The following SLC23A2 variants were observed in gnomAD, a reference collection of about 807,000 sequenced individuals.
SLC23A2 encodes solute carrier family 23 member 2, also known as Na(+)/L-ascorbic acid transporter 2.
A neutral mutation model predicts 73.3 loss-of-function variants in SLC23A2; 36 were observed. The observed-to-expected ratio is 0.49, with a 90% CI of 0.38 to 0.65. The LOEUF (loss-of-function observed/expected upper bound fraction) is 0.65. Among genes scored for constraint, SLC23A2 ranks in the 30% least tolerant of loss-of-function variants. The pLI is 0.00. For synonymous variants in SLC23A2, 343 were observed against 327.3 expected (o/e 1.05, Z -0.52); for missense variants, 507 against 841.6 (o/e 0.60, Z 4.92).
upstream of SLC23A2, among the ~76,000 whole-genome samples, chr20:5,003,282 G>A (rs2088152399): frequency 6.6e-6 from 1 of 152,110 alleles, no homozygotes; most frequent in Non-Finnish European, 1.5e-5. Context: ...TACTCGGGAG[G>A]CTGAGGCAGG....
In SLC23A2 at chr20:4,862,904, C is replaced by A; in HGVS notation, c.1360G>T (p.Gly454Cys). 1 of 1,609,240 alleles carries A rather than the reference C, an allele frequency of 6.2e-7. No individual in the cohort carries two copies. The highest frequency in any genetic ancestry group is 8.5e-7 in the Non-Finnish European group (1 of 1,176,648). ...CCGCACTGTATCACGCGGCGGCTGC[C>A]GACCTGCAGAACACACAGGAGACTG... ...NIGVLGITKVGSRRVIQCGAA... is the reference protein window; with the variant it reads ...NIGVLGITKVCSRRVIQCGAA... Residue 454 changes from glycine to cysteine, a missense_variant, in exon 14 of 17, where the codon GGC (glycine) becomes TGC (cysteine). Physicochemically the swap from Gly to Cys is radical, Grantham distance 159. Transcript: ENST00000338244. This position sits in a 1 kb window ranked among gnomAD's most constrained non-coding sequence, Gnocchi z 5.1.
In SLC23A2 at chr20:4,933,165, G is replaced by A. The variant is rs921160921; in HGVS notation, c.-154-449C>T. 5.3e-5 allele frequency among the ~76,000 whole-genome samples: 8 copies of A among 152,302 alleles called. No homozygotes were observed. The East Asian group carries it at 1.5e-3, about 29-fold the overall frequency. On this transcript the variant is annotated intron_variant, in intron 2 of 16. Coordinates refer to ENST00000338244, the MANE Select transcript of SLC23A2 (RefSeq NM_005116.6). ...ATTTTAATTGTATCTAATTTAAATA[G>A]AAATTTAAGATACTTGTAGCTTGTG...
intron 2 of SLC23A2, among the ~76,000 whole-genome samples, chr20:4,961,636 G>C (rs990378329): frequency 1.3e-5 from 2 of 152,090 alleles, no homozygotes; most frequent in Non-Finnish European, 2.9e-5. Flanking sequence ...TTGATCTAAA[G>C]TATTTTTATT....
intron 1 of SLC23A2, among the ~76,000 whole-genome samples, chr20:4,984,484 C>T (rs540120763): frequency 6.0e-5 from 9 of 149,512 alleles, no homozygotes; most frequent in Non-Finnish European, 1.2e-4. Context: ...ACCTGGCAGG[C>T]GGAGCTTGCA....
At chr20:4,984,073 T>TA (rs2087779516) in intron 1 of SLC23A2, among the ~76,000 whole-genome samples, 1 of 152,138 alleles carries the variant, frequency 6.6e-6, no homozygotes, top group Non-Finnish European at 1.5e-5. Flanking sequence ...TAAGGACTCT[T>TA]ACGACTCAAC....
intron 13 of SLC23A2, 120 bp downstream of exon 13, chr20:4,867,650 G>T: frequency 7.0e-6 from 3 of 429,538 alleles, no homozygotes; most frequent in Non-Finnish European, 8.1e-6. Context: ...AAAAAAAAAG[G>T]AGAGAAGTAA....
At chr20:4,945,271 A>C (rs957743159) in intron 2 of SLC23A2, among the ~76,000 whole-genome samples, 7 of 152,032 alleles carry the variant, frequency 4.6e-5, no homozygotes, top group African/African-American at 1.7e-4. Flanking sequence ...GTCTTCTCCA[A>C]AACACTGCAG....
intron 2 of SLC23A2, among the ~76,000 whole-genome samples, chr20:4,946,353 CTG>C (rs2087118715): frequency 6.6e-6 from 1 of 152,166 alleles, no homozygotes; most frequent in African/African-American, 2.4e-5. Context: ...TGGGCAAACA[CTG>C]TACTAGTTAG....
upstream of SLC23A2, among the ~76,000 whole-genome samples, chr20:5,005,078 A>T (rs543616900): frequency 1.3e-5 from 2 of 151,606 alleles, no homozygotes; most frequent in South Asian, 4.1e-4. Context: ...AACCTTTCCC[A>T]GTGTAGCATT....
chr20:4,962,266 T>G (rs2087404707), intron 2 of SLC23A2, among the ~76,000 whole-genome samples: 1 of 150,048 alleles, frequency 6.7e-6, no homozygotes. Context: ...AAAAACAGAA[T>G]AGTTAAGACC....
chr20:4,951,719 T>G (rs2087205210), intron 2 of SLC23A2, among the ~76,000 whole-genome samples: 1 of 152,252 alleles, frequency 6.6e-6, no homozygotes, highest in African/African-American at 2.4e-5. Context: ...TACAGCTTTG[T>G]GAATAACAGT....
chr20:4,862,332 G>A lies in SLC23A2; in HGVS notation c.1487-247C>T, dbSNP rs1201438790. 6.6e-6 allele frequency among the ~76,000 whole-genome samples: 1 copy of A among 152,220 alleles called. No individual in the cohort carries two copies. The highest frequency in any genetic ancestry group is 2.4e-5 in the African/African-American group (1 of 41,452). On this transcript the variant is annotated intron_variant, in intron 14 of 16. Transcript: ENST00000338244. The surrounding 1 kb of genome is among the most constrained non-coding windows in gnomAD (Gnocchi z 5.1). ...ATAAACACCATGTGGCATTTTGTTT[G>A]TCAAATAGAAAACTAAGGACATTGG...
At chr20:4,959,723 T>A (rs1357547467) in intron 2 of SLC23A2, among the ~76,000 whole-genome samples, 2 of 152,128 alleles carry the variant, frequency 1.3e-5, no homozygotes, top group East Asian at 1.9e-4. Flanking sequence ...TTGCCCGGGC[T>A]CAAGCAAACC....
intron 3 of SLC23A2, among the ~76,000 whole-genome samples, chr20:4,930,338 A>G (rs545880716): frequency 7.4e-4 from 112 of 152,356 alleles, no homozygotes; most frequent in African/African-American, 2.5e-3. Flanking sequence ...CTTCCCCTAG[A>G]AAATCTGTGT....
At chr20:4,859,257 A>T (rs759677178) in intron 16 of SLC23A2, 32 bp downstream of exon 16, 10 of 1,354,244 alleles carry the variant, frequency 7.4e-6, no homozygotes, top group African/African-American at 6.0e-5. Flanking sequence ...AAAATAAAAA[A>T]AAAAAAAGTG....
intron 1 of SLC23A2, among the ~76,000 whole-genome samples, chr20:4,986,068 C>A (rs1196432267): frequency 1.3e-5 from 2 of 152,160 alleles, no homozygotes; most frequent in African/African-American, 2.4e-5. Context: ...GAATAATTAA[C>A]CTTTCTAAAT....
At chr20:4,887,602 G>C (rs1931152557) in intron 6 of SLC23A2, among the ~76,000 whole-genome samples, 1 of 152,200 alleles carries the variant, frequency 6.6e-6, no homozygotes, top group African/African-American at 2.4e-5. Flanking sequence ...CACCTTTCAG[G>C]GTGAGCATTT....
chr20:4,892,825 G>A lies in SLC23A2; in HGVS notation c.482+6730C>T, dbSNP rs186853773. Among the ~76,000 whole-genome samples, 3 of 152,182 alleles carry A rather than the reference G, an allele frequency of 2.0e-5. No homozygotes were observed. In the East Asian group the frequency reaches 5.8e-4, roughly 29 times the overall value. On this transcript the variant is annotated intron_variant, in intron 6 of 16. Coordinates refer to ENST00000338244, the MANE Select transcript of SLC23A2 (RefSeq NM_005116.6). ...ATGATGACGTGGGGAGGAAAAAGGT[G>A]GAGACAGCAAAGAGACACAACAAAC...
At position 4,947,068 on chromosome 20, in the gene SLC23A2, C is replaced by T. The variant is rs1468352835; in HGVS notation, c.-154-14352G>A. On this transcript the variant is annotated intron_variant, in intron 2 of 16. Transcript: ENST00000338244. This position sits in a 1 kb window ranked among gnomAD's most constrained non-coding sequence, Gnocchi z 4.4. Reference sequence around the variant, plus strand: ...TGCCCACACTGCCCACGCTGACCTCCAGAGTTCCCAGGTCTGGGCTCAAGA... The same window carrying T: ...TGCCCACACTGCCCACGCTGACCTCTAGAGTTCCCAGGTCTGGGCTCAAGA... Among the ~76,000 whole-genome samples the T allele has an allele frequency of 6.6e-6, 1 of 152,182 alleles. No homozygotes were observed. The highest frequency in any genetic ancestry group is 1.5e-5 in the Non-Finnish European group (1 of 68,036).
Sources: gnomAD v4.1 joint callset for allele counts (sites outside exome capture counted in the v4.1 genomes callset) on GRCh38, gnomAD v4.1.1 for gene constraint, Gnocchi (gnomAD v3.1) non-coding constraint, MANE v1.5 for transcripts, NCBI Gene and HGNC (gene_info 2026-07-23, HGNC 2026-07-21) for gene names.